ATP1A4: variants seen among roughly 807,000 people sequenced by gnomAD.
The protein encoded by ATP1A4 is sodium/potassium-transporting ATPase subunit alpha-4.
A neutral mutation model predicts 114.3 loss-of-function variants in ATP1A4; 90 were observed. That is an observed-to-expected ratio of 0.79 (90% CI 0.66 to 0.94). ATP1A4 has a LOEUF of 0.94. Among genes scored for constraint, ATP1A4 ranks in the 40% least tolerant of loss-of-function variants. ATP1A4 has a pLI of 0.00. For missense variants in ATP1A4, 1,222 were observed against 1,313.6 expected (o/e 0.93, Z 1.08); for synonymous variants, 511 against 494.1 (o/e 1.03, Z -0.45).
At position 160,180,180 on chromosome 1, in the gene ATP1A4, G is replaced by A. The variant is rs112044894; in HGVS notation, c.2737-1504G>A. 9.8e-3 allele frequency among the ~76,000 whole-genome samples: 1,497 copies of A among 152,270 alleles called. 29 individuals carry two copies. Among genetic ancestry groups the A allele is most frequent in the African/African-American group, 0.034 (1,392 of 41,530 alleles). On this transcript the variant is annotated intron_variant, in intron 18 of 21. Coordinates refer to ENST00000368081, the MANE Select transcript of ATP1A4 (RefSeq NM_144699.4). ...ATGATAGGGAGTGACGCGGGTAACG[G>A]CAACTGACTGATTGGTCTTATTCTA... is the stretch of plus-strand genomic sequence containing the variant.
intron 18 of ATP1A4, among the ~76,000 whole-genome samples, chr1:160,180,454 C>A (rs1653641786): frequency 6.6e-6 from 1 of 152,252 alleles, no homozygotes; most frequent in Non-Finnish European, 1.5e-5. Flanking sequence ...GTTCCCATAG[C>A]CCTCTGCAGT....
In ATP1A4 at chr1:160,171,267, G is replaced by A. The variant is rs772331708; in HGVS notation, c.1508G>A (p.Arg503Gln). ...TCTCCCTAGATGTCCATCCACCTTC[G>A]GGAGGACAGCTCCCAGACCCACGTA... ...TNKYQMSIHL[R>Q]EDSSQTHVLM... Residue 503 changes from arginine (R) to glutamine (Q), a missense_variant, in exon 11 of 22, where the codon CGG (arginine) becomes CAG (glutamine). Coordinates refer to ENST00000368081, the MANE Select transcript of ATP1A4 (RefSeq NM_144699.4). 1.2e-5 allele frequency: 20 copies of A among 1,613,610 alleles called. No individual in the cohort carries two copies. Among genetic ancestry groups the A allele is most frequent in the Admixed American group, 3.3e-5 (2 of 59,982 alleles).
At chr1:160,155,856 C>A (rs1476881583) in intron 3 of ATP1A4, among the ~76,000 whole-genome samples, 189 bp from the exon 4 acceptor site, 2 of 152,156 alleles carry the variant, frequency 1.3e-5, no homozygotes, top group South Asian at 2.1e-4. Context: ...CACCATGGCT[C>A]AGGGTTCCTT....
intron 15 of ATP1A4, among the ~76,000 whole-genome samples, chr1:160,175,242 C>A (rs1653418915): frequency 6.6e-6 from 1 of 152,168 alleles, no homozygotes. Flanking sequence ...GAAGAGAATG[C>A]CCTCCTGCGA....
At chr1:160,186,249 A>G in intron 20 of ATP1A4, 27 bp from the exon 21 acceptor site, 1 of 1,525,150 alleles carries the variant, frequency 6.6e-7, no homozygotes, top group Non-Finnish European at 9.1e-7. Context: ...CTCTCCTGCC[A>G]TGCTGACTGG....
At position 160,181,954 on chromosome 1, in the gene ATP1A4, C is replaced by A. The variant is rs1384275512; in HGVS notation, c.2892C>A (p.Ile964=). 1.2e-6 allele frequency: 2 copies of A among 1,613,972 alleles called. No individual in the cohort carries two copies. Among genetic ancestry groups the A allele is most frequent in the Non-Finnish European group, 1.7e-6 (2 of 1,180,000 alleles). Reference sequence around the variant, plus strand: ...GAAACAAAGTCTTAATATTTGGGATCCTGGAGGAGACACTCTTGGCTGCAT... The same window carrying A: ...GAAACAAAGTCTTAATATTTGGGATACTGGAGGAGACACTCTTGGCTGCAT... ...GMRNKVLIFG[I]LEETLLAAFL... is the part of the protein sequence containing the mutation. The change falls in exon 20 of 22, where the codon ATC becomes ATA. Residue 964 remains isoleucine (I), a synonymous_variant. Coordinates refer to ENST00000368081, the MANE Select transcript of ATP1A4 (RefSeq NM_144699.4).
intron 4 of ATP1A4, among the ~76,000 whole-genome samples, chr1:160,156,636 G>C (rs1487620565): frequency 1.3e-5 from 2 of 151,978 alleles, no homozygotes; most frequent in African/African-American, 4.8e-5. Flanking sequence ...AGTTTGAGAT[G>C]CTATCTCTAC....
In ATP1A4 at chr1:160,186,762, G is replaced by A. The variant is rs1653909821; in HGVS notation, c.*63G>A. 4.6e-6 allele frequency: 7 copies of A among 1,532,922 alleles called. No individual in the cohort carries two copies. The highest frequency in any genetic ancestry group is 3.6e-5 in the Admixed American group (2 of 55,010). 95.0% of individuals were successfully genotyped at this position (1,532,922 alleles called of 1,614,324 possible). Reference sequence around the variant, plus strand: ...TTGTGAGAGCTGGGATGGGGCCAGAGATTATAAGTTTGACACAACATCTGA... The same window carrying A: ...TTGTGAGAGCTGGGATGGGGCCAGAAATTATAAGTTTGACACAACATCTGA... On this transcript the variant is annotated 3_prime_UTR_variant, in exon 22 of 22. Coordinates refer to ENST00000368081, the MANE Select transcript of ATP1A4 (RefSeq NM_144699.4).
intron 4 of ATP1A4, among the ~76,000 whole-genome samples, chr1:160,158,339 T>G (rs760229831): frequency 6.6e-6 from 1 of 152,114 alleles, no homozygotes; most frequent in Non-Finnish European, 1.5e-5. Flanking sequence ...TGGCAGAGGA[T>G]TCTCAGAAAC....
chr1:160,181,274 C>T (rs1388703196), intron 18 of ATP1A4, among the ~76,000 whole-genome samples: 1 of 151,992 alleles, frequency 6.6e-6, no homozygotes, highest in Non-Finnish European at 1.5e-5. Context: ...AGGACCTGGC[C>T]GGGCACAGTG....
In ATP1A4 at chr1:160,152,203, G is replaced by A; in HGVS notation, c.147+16G>A. 2 of 1,611,038 alleles carry A rather than the reference G, an allele frequency of 1.2e-6. No homozygotes were observed. Among genetic ancestry groups the A allele is most frequent in the Non-Finnish European group, 8.5e-7 (1 of 1,179,214 alleles). On this transcript the variant is annotated intron_variant, in intron 1 of 21. Transcript: ENST00000368081. ...AGTGGTCATGGTGAGGCCACCCAAA[G>A]TGGGCGCTGACAGCTGCCCTCTGAA...
At chr1:160,186,422 C>A in intron 21 of ATP1A4, 55 bp downstream of exon 21, 1 of 1,364,548 alleles carries the variant, frequency 7.3e-7, no homozygotes, top group Non-Finnish European at 1.0e-6. Context: ...CCCTCACTAG[C>A]TCTCCCATCC....
chr1:160,173,054 G>A (rs796309719), intron 12 of ATP1A4, among the ~76,000 whole-genome samples: 2 of 152,290 alleles, frequency 1.3e-5, no homozygotes, highest in African/African-American at 4.8e-5. Context: ...GTGAAAGCAC[G>A]TGGCCTGGGT....
intron 20 of ATP1A4, 137 bp from the exon 21 acceptor site, chr1:160,186,139 G>A: frequency 2.0e-6 from 1 of 507,808 alleles, no homozygotes; most frequent in South Asian, 1.5e-5. Context: ...CAACTGCACT[G>A]TCTCCAGCAC....
intron 15 of ATP1A4, among the ~76,000 whole-genome samples, 157 bp from the exon 16 acceptor site, chr1:160,175,935 C>T (rs1439305420): frequency 6.6e-6 from 1 of 152,126 alleles, no homozygotes; most frequent in Non-Finnish European, 1.5e-5. Flanking sequence ...AAAAGGCACA[C>T]AATTTAGAAA....
chr1:160,185,011 G>A lies in ATP1A4; in HGVS notation c.2970-1265G>A, dbSNP rs997721435. Reference sequence around the variant, plus strand: ...AGCCCTAGAGTATGCAGAGAGCACAGGGGTCTCCCTCAGCGGCTCCACAAA... The same window carrying A: ...AGCCCTAGAGTATGCAGAGAGCACAAGGGTCTCCCTCAGCGGCTCCACAAA... On this transcript the variant is annotated intron_variant, in intron 20 of 21. Transcript: ENST00000368081. Among the ~76,000 whole-genome samples the A allele has an allele frequency of 5.3e-5, 8 of 152,304 alleles. No homozygotes were observed. In the South Asian group the frequency reaches 1.7e-3, roughly 32 times the overall value.
At chr1:160,176,713 G>A in intron 17 of ATP1A4, 111 bp downstream of exon 17, 1 of 1,431,948 alleles carries the variant, frequency 7.0e-7, no homozygotes, top group Non-Finnish European at 9.4e-7. Context: ...GCAACAAACT[G>A]TGCTAGGCCC....
Position 160,171,344 on chromosome 1 carries a change from C to T in ATP1A4, c.1585C>T (p.Leu529Phe), listed in dbSNP as rs779270944. Residue 529 changes from leucine to phenylalanine, a missense_variant, in exon 11 of 22, where the codon CTT (leucine) becomes TTT (phenylalanine). Physicochemically the swap from Leu to Phe is conservative, Grantham distance 22 (BLOSUM62 0). Coordinates refer to ENST00000368081, the MANE Select transcript of ATP1A4 (RefSeq NM_144699.4). ...ERILEFCSTF[L>F]LNGQEYSMND... ...GATCTTGGAGTTTTGTTCTACCTTT[C>T]TTCTGAATGGGCAGGAGTACTCAAT... is the stretch of plus-strand genomic sequence containing the variant. 1.2e-6 allele frequency: 2 copies of T among 1,614,064 alleles called. No homozygotes were observed. Among genetic ancestry groups the T allele is most frequent in the Non-Finnish European group, 1.7e-6 (2 of 1,180,008 alleles).
At chr1:160,175,848 C>G (rs1253921104) in intron 15 of ATP1A4, among the ~76,000 whole-genome samples, 1 of 152,162 alleles carries the variant, frequency 6.6e-6, no homozygotes, top group African/African-American at 2.4e-5. Flanking sequence ...CCCAACCCTG[C>G]TAATTTTCAG....
Sources: gnomAD v4.1 joint callset for allele counts (sites outside exome capture counted in the v4.1 genomes callset) on GRCh38, gnomAD v4.1.1 for gene constraint, MANE v1.5 for transcripts, NCBI Gene and HGNC (gene_info 2026-07-23, HGNC 2026-07-21) for gene names.